Variants in CCPG1 observed in about 807,000 individuals in gnomAD.
CCPG1 encodes the protein cell cycle progression 1, also known as cell cycle progression protein 1.
In CCPG1, 46 loss-of-function variants were observed where a neutral mutation model predicts 81.3. The ratio of observed to expected loss-of-function variants is 0.57; its 90% CI spans 0.45 to 0.72. The LOEUF (loss-of-function observed/expected upper bound fraction) is 0.72. Ranked by LOEUF, CCPG1 falls within the 30% of genes least tolerant of loss-of-function variation. The pLI, the probability that CCPG1 is intolerant of heterozygous loss-of-function variation, is 0.00. For missense variants in CCPG1, 902 were observed against 937.6 expected (o/e 0.96, Z 0.50); for synonymous variants, 330 against 305.2 (o/e 1.08, Z -0.85).
In CCPG1 at chr15:55,394,881, C is replaced by T. The variant is rs541301355; in HGVS notation, c.-9-5448G>A. ...GAGCCTGCATGATTGCTTAACTGAC[C>T]ACCTGCTGCCTGTTGACCAACTTCT... On this transcript the variant is annotated intron_variant, in intron 1 of 8. Transcript: ENST00000442196. 5.3e-5 allele frequency among the ~76,000 whole-genome samples: 8 copies of T among 151,944 alleles called. No individual in the cohort carries two copies. In the East Asian group the frequency reaches 1.5e-3, roughly 29 times the overall value.
intron 1 of CCPG1, among the ~76,000 whole-genome samples, chr15:55,397,122 T>G (rs1033146944): frequency 1.5e-4 from 23 of 151,514 alleles, no homozygotes; most frequent in South Asian, 2.1e-4. Context: ...GCTGAGGCAG[T>G]AGAATGGCGT....
intron 3 of CCPG1, among the ~76,000 whole-genome samples, chr15:55,382,658 T>A (rs573867717): frequency 1.3e-5 from 2 of 152,010 alleles, no homozygotes; most frequent in South Asian, 2.1e-4. Flanking sequence ...TACAGGCGCC[T>A]GCCACCACGC....
intron 7 of CCPG1, among the ~76,000 whole-genome samples, chr15:55,361,190 T>TG (rs1421568646): frequency 6.6e-6 from 1 of 151,060 alleles, no homozygotes; most frequent in African/African-American, 2.4e-5. Context: ...TTTTTTGAGA[T>TG]GGAGTCTCAC....
rs1747954469 is a variant in CCPG1 at position 55,360,459 on chromosome 15, T to C, written c.1314A>G (p.Leu438=). ...RERLTELERK[L]TFEQQRSDLW... ...AATCAGAACGCTGCTGTTCGAAGGT[T>C]AGCTTCCGTTCCAGCTCAGTGAGTC... The change falls in exon 8 of 9, where the codon CTA becomes CTG. Residue 438 remains leucine, a synonymous_variant. Coordinates refer to ENST00000442196, the MANE Select transcript of CCPG1 (RefSeq NM_001204450.2). 2 of 1,614,046 alleles carry C rather than the reference T, an allele frequency of 1.2e-6. No homozygotes were observed. Among genetic ancestry groups the C allele is most frequent in the South Asian group, 1.1e-5 (1 of 91,092 alleles).
chr15:55,378,521 G>T, intron 3 of CCPG1, 145 bp from the exon 4 acceptor site: 1 of 515,160 alleles, frequency 1.9e-6, no homozygotes, highest in Non-Finnish European at 3.4e-6. Context: ...TACAATTATA[G>T]AAGTCACTCC....
intron 3 of CCPG1, 98 bp from the exon 4 acceptor site, chr15:55,378,474 T>A: frequency 1.5e-6 from 1 of 647,076 alleles, no homozygotes. Context: ...AAAAATCTCT[T>A]CCTAATATGT....
At chr15:55,382,023 T>C (rs2056708431) in intron 3 of CCPG1, among the ~76,000 whole-genome samples, 1 of 152,226 alleles carries the variant, frequency 6.6e-6, no homozygotes, top group Admixed American at 6.5e-5. Flanking sequence ...AATTTAAAAA[T>C]ACATTATTGC....
chr15:55,388,230 A>C (rs374604460), intron 2 of CCPG1, among the ~76,000 whole-genome samples: 4 of 152,182 alleles, frequency 2.6e-5, no homozygotes, highest in East Asian at 1.9e-4. Context: ...AAAATTATAG[A>C]TGTCCATTAA....
chr15:55,391,246 A>G (rs1045416576), intron 1 of CCPG1, among the ~76,000 whole-genome samples: 12 of 152,052 alleles, frequency 7.9e-5, no homozygotes, highest in Non-Finnish European at 1.2e-4. Context: ...CCTCAGCCCC[A>G]TAAGTAGATG....
chr15:55,390,125 T>C (rs980019718), intron 1 of CCPG1, among the ~76,000 whole-genome samples: 1 of 152,156 alleles, frequency 6.6e-6, no homozygotes, highest in Admixed American at 6.5e-5. Context: ...GGTTTCACTA[T>C]GTTGGCCAGG....
At position 55,394,804 on chromosome 15, in the gene CCPG1, A is replaced by G. The variant is rs890976177; in HGVS notation, c.-9-5371T>C. Among the ~76,000 whole-genome samples, 20 of 151,530 alleles carry G rather than the reference A, an allele frequency of 1.3e-4. No homozygotes were observed. In the Admixed American group the frequency reaches 1.3e-3, roughly 10 times the overall value. On this transcript the variant is annotated intron_variant, in intron 1 of 8. Transcript: ENST00000442196. ...ACCATCAGGCCTCCTAGATAGTATT[A>G]AGAAGCTGAAACTTACTTAACAGAT...
chr15:55,359,031 C>A lies in CCPG1; in HGVS notation c.2234+508G>T, dbSNP rs1001336189. 4 of 983,054 alleles carry A rather than the reference C, an allele frequency of 4.1e-6. No homozygotes were observed. In the Admixed American group the frequency reaches 2.5e-4, roughly 61 times the overall value. The allele number at this position is 983,054 out of a possible 1,614,324, so 60.9% of individuals were successfully genotyped here. A position where few individuals can be genotyped will look rare whatever the true frequency, so the allele number is the denominator to read the frequency against. On this transcript the variant is annotated intron_variant, in intron 8 of 8. Coordinates refer to ENST00000442196, the MANE Select transcript of CCPG1 (RefSeq NM_001204450.2). Reference sequence around the variant, plus strand: ...TGCCTCTTTGTGCCTCTACCTTTATCAAAGATAATTATGTGACTAAGTATC... The same window carrying A: ...TGCCTCTTTGTGCCTCTACCTTTATAAAAGATAATTATGTGACTAAGTATC...
intron 1 of CCPG1, among the ~76,000 whole-genome samples, chr15:55,389,843 A>C (rs1447961962): frequency 6.6e-6 from 1 of 152,262 alleles, no homozygotes; most frequent in East Asian, 1.9e-4. Flanking sequence ...AAGCACAGGG[A>C]AACTGAAAAG....
intron 6 of CCPG1, 112 bp from the exon 7 acceptor site, chr15:55,365,421 T>G (rs561031199): frequency 1.0e-4 from 35 of 342,686 alleles, no homozygotes; most frequent in African/African-American, 2.5e-4. Flanking sequence ...TTTTTTTTGT[T>G]TTTTTTTTTT....
intron 2 of CCPG1, among the ~76,000 whole-genome samples, chr15:55,386,407 T>G (rs897490508): frequency 6.6e-6 from 1 of 152,222 alleles, no homozygotes; most frequent in Non-Finnish European, 1.5e-5. Flanking sequence ...CCTACTTTGA[T>G]GTCAGACTGT....
rs1027462934 is a variant in CCPG1, at chr15:55,374,365, T to C, written c.455-2321A>G. 3 of 501,906 alleles carry C rather than the reference T, an allele frequency of 6.0e-6. No individual in the cohort carries two copies. The African/African-American group carries it at 6.1e-5, about 10-fold the overall frequency. The allele number at this position is 501,906 out of a possible 1,614,324, so 31.1% of individuals were successfully genotyped here. On this transcript the variant is annotated intron_variant, in intron 5 of 8. Coordinates refer to ENST00000442196, the MANE Select transcript of CCPG1 (RefSeq NM_001204450.2). Reference sequence around the variant, plus strand: ...CTTAACATTGTTATCCGTACAAAATTAAAACGTAATAACCATGCCTTCTTA... The same window carrying C: ...CTTAACATTGTTATCCGTACAAAATCAAAACGTAATAACCATGCCTTCTTA...
intron 1 of CCPG1, among the ~76,000 whole-genome samples, chr15:55,401,493 T>C (rs1001379775): frequency 6.6e-6 from 1 of 151,908 alleles, no homozygotes; most frequent in African/African-American, 2.4e-5. Flanking sequence ...ATGGCGAAAC[T>C]CCGTCTCTAC....
rs201298339 is a variant in CCPG1 at position 55,387,701 on chromosome 15, C to T, written c.60+1664G>A. On this transcript the variant is annotated intron_variant, in intron 2 of 8. Coordinates refer to ENST00000442196, the MANE Select transcript of CCPG1 (RefSeq NM_001204450.2). ...CTGGGATTACAGGCATGTGCGACCA[C>T]GCCTGGCTAATTTTGTATTTTTAGT... is the stretch of plus-strand genomic sequence containing the variant. Among the ~76,000 whole-genome samples the T allele has an allele frequency of 3.3e-5, 5 of 151,788 alleles. No homozygotes were observed. The East Asian group carries it at 6.0e-4, about 18-fold the overall frequency.
intron 1 of CCPG1, among the ~76,000 whole-genome samples, chr15:55,392,345 G>A (rs545832163): frequency 1.6e-4 from 24 of 151,736 alleles, no homozygotes; most frequent in South Asian, 2.1e-4. Flanking sequence ...CCGAGTAGCG[G>A]GGATTACAGG....
Sources: gnomAD v4.1 joint callset for allele counts (sites outside exome capture counted in the v4.1 genomes callset) on GRCh38, gnomAD v4.1.1 for gene constraint, MANE v1.5 for transcripts, NCBI Gene and HGNC (gene_info 2026-07-23, HGNC 2026-07-21) for gene names.